The following WWOX variants were observed in gnomAD, a reference collection of about 807,000 sequenced individuals.
WWOX encodes WW domain containing oxidoreductase.
WWOX carries 69 observed loss-of-function variants against 46.2 expected under a neutral mutation model. The ratio of observed to expected loss-of-function variants is 1.49; its 90% confidence interval spans 1.23 to 1.82. WWOX has a LOEUF of 1.82. WWOX is among the 40% of genes most tolerant of loss of function. The probability of loss-of-function intolerance (pLI) is 0.00; values close to 1 mark genes in which losing one functional copy is unlikely to be tolerated. For synonymous variants in WWOX, 359 were observed against 202.6 expected, an observed-to-expected ratio of 1.77 and a Z score of -6.56; for missense variants, 919 against 542.6, an observed-to-expected ratio of 1.69 and a Z score of -6.89.
intron 8 of WWOX, among the ~76,000 whole-genome samples, chr16:78,541,300 C>T (rs972893787): frequency 6.6e-6 from 1 of 150,640 alleles, no homozygotes; most frequent in African/African-American, 2.4e-5. Context: ...CGGTGAAACC[C>T]CGTCTCTACT....
chr16:78,397,183 C>T (rs1172072302), intron 6 of WWOX, among the ~76,000 whole-genome samples: 1 of 152,026 alleles, frequency 6.6e-6, no homozygotes, highest in Non-Finnish European at 1.5e-5. Context: ...CTTTGCTGAG[C>T]TTTGGAAATA....
chr16:78,717,443 G>A (rs1232861824), intron 8 of WWOX, among the ~76,000 whole-genome samples: 1 of 152,176 alleles, frequency 6.6e-6, no homozygotes, highest in Non-Finnish European at 1.5e-5. Context: ...TATGGCTTTA[G>A]CACCTTTTGA....
At position 79,092,290 on chromosome 16, in the gene WWOX, C is replaced by T. The variant is rs930444660; in HGVS notation, c.1057-119318C>T. Among the ~76,000 whole-genome samples the T allele has an allele frequency of 2.0e-5, 3 of 152,164 alleles. No homozygotes were observed. In the East Asian group the frequency reaches 5.8e-4, roughly 29 times the overall value. ...ACAATATTAAAACCTAAAGAGATAA[C>T]AGAGGGGAAGCCTTTGGGAGCTAGG... is the stretch of plus-strand genomic sequence containing the variant. On this transcript the variant is annotated intron_variant, in intron 8 of 8. Coordinates refer to ENST00000566780, the MANE Select transcript of WWOX (RefSeq NM_016373.4).
chr16:79,143,990 G>C (rs187082537), intron 8 of WWOX, among the ~76,000 whole-genome samples: 39 of 152,254 alleles, frequency 2.6e-4, no homozygotes, highest in African/African-American at 9.1e-4. Context: ...CTGCAATCTT[G>C]AACTCCTGGG....
chr16:78,826,564 C>T (rs1277115341), intron 8 of WWOX, among the ~76,000 whole-genome samples: 1 of 152,200 alleles, frequency 6.6e-6, no homozygotes, highest in Non-Finnish European at 1.5e-5. Flanking sequence ...TGTTCCTTTC[C>T]TGTCTGCCTC....
chr16:78,825,406 C>G (rs1038070384), intron 8 of WWOX: 1 of 295,414 alleles, frequency 3.4e-6, no homozygotes, highest in Admixed American at 3.4e-5. Context: ...TCAAGTTACA[C>G]CCATCACGAC....
intron 8 of WWOX, among the ~76,000 whole-genome samples, chr16:78,747,984 C>A (rs1156684422): frequency 6.6e-6 from 1 of 152,184 alleles, no homozygotes; most frequent in Non-Finnish European, 1.5e-5. Flanking sequence ...TCTTGCGTAG[C>A]AGCCTAAGAA....
At chr16:78,256,640 A>G (rs974774485) in intron 5 of WWOX, among the ~76,000 whole-genome samples, 1 of 151,992 alleles carries the variant, frequency 6.6e-6, no homozygotes, top group East Asian at 1.9e-4. Flanking sequence ...TGTCTGCCAA[A>G]TAAGGTGGTT....
At chr16:78,210,037 GA>G (rs373421222) in intron 5 of WWOX, among the ~76,000 whole-genome samples, 377 of 146,574 alleles carry the variant, frequency 2.6e-3, no homozygotes, top group African/African-American at 6.1e-3. Context: ...AAGCCAAAAA[GA>G]AAAAAAAAAA....
chr16:78,663,741 A>T (rs923829509), intron 8 of WWOX, among the ~76,000 whole-genome samples: 1 of 152,162 alleles, frequency 6.6e-6, no homozygotes, highest in South Asian at 2.1e-4. Flanking sequence ...GTGATCAGTG[A>T]TGGCTTTTGA....
intron 8 of WWOX, among the ~76,000 whole-genome samples, chr16:78,538,401 C>T (rs532202649): frequency 5.9e-5 from 9 of 152,214 alleles, no homozygotes; most frequent in African/African-American, 1.4e-4. Context: ...TCTTAAACCT[C>T]TGCGTGGTGT....
At chr16:78,493,643 C>T (rs929480222) in intron 8 of WWOX, among the ~76,000 whole-genome samples, 5 of 152,144 alleles carry the variant, frequency 3.3e-5, no homozygotes, top group African/African-American at 1.2e-4. Flanking sequence ...CTAGTACTTG[C>T]TATGCACTTA....
chr16:78,561,934 C>G (rs143315535), intron 8 of WWOX, among the ~76,000 whole-genome samples: 6 of 151,688 alleles, frequency 4.0e-5, no homozygotes, highest in Non-Finnish European at 4.4e-5. Context: ...TCTAATTTCC[C>G]ATTAAAAGTA....
rs1567655097 is a variant in WWOX at position 78,575,046 on chromosome 16, T to TAA, written c.1056+142295_1056+142296insAA. Among the ~76,000 whole-genome samples the TAA allele has an allele frequency of 3.7e-3, 31 of 8,374 alleles. 1 individual carries two copies. The highest frequency in any genetic ancestry group is 7.5e-3 in the Admixed American group (4 of 530). The allele number at this position is 8,374 out of a possible 152,430, so 5.5% of individuals were successfully genotyped here. On this transcript the variant is annotated intron_variant, in intron 8 of 8. Transcript: ENST00000566780. ...AAATATATATATATATATATATATATATATATATATATATATATATATATA... is the reference window on the plus strand; with the variant it reads ...AAATATATATATATATATATATATATAAATATATATATATATATATATATATA...
intron 8 of WWOX, among the ~76,000 whole-genome samples, chr16:79,014,284 G>A (rs547325991): frequency 3.3e-5 from 5 of 152,262 alleles, no homozygotes; most frequent in South Asian, 2.1e-4. Context: ...ATGCCCACCC[G>A]GTGATTTATA....
intron 8 of WWOX, among the ~76,000 whole-genome samples, chr16:78,607,039 C>T (rs1241183144): frequency 6.6e-6 from 1 of 152,050 alleles, no homozygotes; most frequent in Non-Finnish European, 1.5e-5. Context: ...TAGAGTTCCC[C>T]ACTTCTCAGA....
At chr16:79,116,519 T>C (rs2049518828) in intron 8 of WWOX, among the ~76,000 whole-genome samples, 1 of 152,210 alleles carries the variant, frequency 6.6e-6, no homozygotes, top group Admixed American at 6.5e-5. Flanking sequence ...GAAATCACTT[T>C]CTTTGCTCAT....
chr16:79,206,094 A>G (rs968842592), intron 8 of WWOX: 1 of 152,212 alleles, frequency 6.6e-6, no homozygotes, highest in Non-Finnish European at 1.5e-5. Context: ...CCAAATGGAT[A>G]TCATTTCAAT....
At chr16:79,081,116 G>A (rs1362115911) in intron 8 of WWOX, among the ~76,000 whole-genome samples, 5 of 152,256 alleles carry the variant, frequency 3.3e-5, no homozygotes, top group African/African-American at 1.2e-4. Flanking sequence ...CATCCCCTGT[G>A]TGGAGATAAG....
Sources: gnomAD v4.1 joint callset for allele counts (sites outside exome capture counted in the v4.1 genomes callset) on GRCh38, gnomAD v4.1.1 for gene constraint, MANE v1.5 for transcripts, NCBI Gene and HGNC (gene_info 2026-07-23, HGNC 2026-07-21) for gene names.